ZNF875: variants seen among roughly 807,000 people sequenced by gnomAD.
The protein encoded by ZNF875 is zinc finger protein 875, also known as HKR1, GLI-Kruppel zinc finger family member.
A neutral mutation model predicts 11.2 loss-of-function variants in ZNF875; 14 were observed. The ratio of observed to expected loss-of-function variants is 1.26; its 90% CI spans 0.83 to 1.96. The LOEUF is 1.96. Among genes scored for constraint, ZNF875 ranks in the 30% most tolerant of loss-of-function variants. The probability of loss-of-function intolerance (pLI) is 0.00; values close to 1 mark genes in which losing one functional copy is unlikely to be tolerated. For synonymous variants in ZNF875, 301 were observed against 281.1 expected (o/e 1.07, Z -0.71); for missense variants, 752 against 760.4 (o/e 0.99, Z 0.13).
At chr19:37,341,127 T>A (rs1020935716) in intron 2 of ZNF875, among the ~76,000 whole-genome samples, 1 of 152,228 alleles carries the variant, frequency 6.6e-6, no homozygotes, top group Non-Finnish European at 1.5e-5. Flanking sequence ...TAGGAGTTTC[T>A]GACATCATGG....
chr19:37,325,264 A>T (rs1348088619), intron 4 of ZNF875, among the ~76,000 whole-genome samples: 2 of 152,268 alleles, frequency 1.3e-5, no homozygotes, highest in South Asian at 4.1e-4. Context: ...TCCCGCTGTC[A>T]GCACCCGAAG....
chr19:37,337,920 T>C (rs1364542681), intron 2 of ZNF875, among the ~76,000 whole-genome samples: 2 of 152,260 alleles, frequency 1.3e-5, no homozygotes, highest in Admixed American at 6.5e-5. Context: ...GAAATCTGAG[T>C]GGAATTTAGA....
intron 4 of ZNF875, among the ~76,000 whole-genome samples, chr19:37,361,810 G>A (rs765671825): frequency 1.3e-5 from 2 of 151,942 alleles, no homozygotes; most frequent in African/African-American, 2.4e-5. Flanking sequence ...CCAGCTACTC[G>A]GGAGGCTAAG....
In ZNF875 at chr19:37,347,799, A is replaced by G. The variant is rs372968263; in HGVS notation, c.183A>G (p.Lys61=). 4.3e-6 allele frequency: 7 copies of G among 1,612,914 alleles called. No homozygotes were observed. In the African/African-American group the frequency reaches 5.3e-5, roughly 12 times the overall value. ...VSLEIPSSKP[K]LIAQLERGEA... is the part of the protein sequence containing the mutation. ...CAGAAATTCCATCTTCTAAACCAAAACTCATTGCTCAGCTGGAGCGAGGGG... is the reference window on the plus strand; with the variant it reads ...CAGAAATTCCATCTTCTAAACCAAAGCTCATTGCTCAGCTGGAGCGAGGGG... The change falls in exon 4 of 5, where the codon AAA becomes AAG. Residue 61 remains lysine (K), a synonymous_variant. Transcript: ENST00000392153.
chr19:37,322,586 A>G (rs1445968464), intron 2 of ZNF875, among the ~76,000 whole-genome samples: 1 of 152,210 alleles, frequency 6.6e-6, no homozygotes, highest in African/African-American at 2.4e-5. Context: ...TGAACCCATC[A>G]GTGAACTACT....
intron 4 of ZNF875, chr19:37,359,441 G>C (rs1291517577): frequency 3.9e-5 from 10 of 257,156 alleles, no homozygotes; most frequent in Non-Finnish European, 1.6e-5. Flanking sequence ...GCCTTGCTCT[G>C]TTGCCAGGCT....
At chr19:37,345,913 C>G (rs756492069) in intron 2 of ZNF875, among the ~76,000 whole-genome samples, 3 of 152,140 alleles carry the variant, frequency 2.0e-5, no homozygotes, top group Non-Finnish European at 2.9e-5. Context: ...CTCCAAAGTA[C>G]AGCTTTCTAG....
chr19:37,345,338 T>C (rs781748953), intron 2 of ZNF875, among the ~76,000 whole-genome samples: 3 of 145,686 alleles, frequency 2.1e-5, no homozygotes, highest in Non-Finnish European at 4.4e-5. Context: ...GCTATCGATA[T>C]AACTGAGTGT....
At chr19:37,345,526 A>G (rs2036594705) in intron 2 of ZNF875, among the ~76,000 whole-genome samples, 1 of 152,168 alleles carries the variant, frequency 6.6e-6, no homozygotes, top group Non-Finnish European at 1.5e-5. Context: ...TGCAAAATCA[A>G]AGAGACAAGG....
chr19:37,343,574 A>G (rs2146175842), intron 2 of ZNF875, among the ~76,000 whole-genome samples: 1 of 152,030 alleles, frequency 6.6e-6, no homozygotes, highest in Admixed American at 6.6e-5. Context: ...GGATGCTTCA[A>G]TTCCTGGTTC....
intron 4 of ZNF875, among the ~76,000 whole-genome samples, chr19:37,359,189 G>A (rs1193435631): frequency 2.0e-5 from 3 of 151,476 alleles, no homozygotes; most frequent in Admixed American, 1.3e-4. Context: ...GTGAACCGCC[G>A]CACCTGGCCT....
upstream of ZNF875, chr19:37,317,179 GTTTTTTTTTTT>G (rs774349345): frequency 1.7e-5 from 1 of 59,018 alleles, no homozygotes; most frequent in Admixed American, 3.0e-4. Flanking sequence ...TACTAACCTG[GTTTTTTTTTTT>G]TTTTTTTTTT....
chr19:37,344,704 T>G lies in ZNF875; in HGVS notation c.34-2486T>G, dbSNP rs765333386. 9.3e-6 allele frequency: 15 copies of G among 1,613,846 alleles called. No individual in the cohort carries two copies. The South Asian group carries it at 9.9e-5, about 11-fold the overall frequency. On this transcript the variant is annotated intron_variant, in intron 2 of 4. Coordinates refer to ENST00000392153, the MANE Select transcript of ZNF875 (RefSeq NM_001353803.2). ...TGAATCATGAGGGTCAACCACACAG[T>G]GTCTACAATGCTCCCTACATGCATG... is the stretch of plus-strand genomic sequence containing the variant.
intron 1 of ZNF875, among the ~76,000 whole-genome samples, chr19:37,320,561 A>G (rs991875890): frequency 6.6e-6 from 1 of 152,212 alleles, no homozygotes; most frequent in African/African-American, 2.4e-5. Flanking sequence ...GTGGATTCTC[A>G]TGCTTATAGT....
upstream of ZNF875, among the ~76,000 whole-genome samples, chr19:37,314,168 C>T (rs1411819720): frequency 2.0e-5 from 3 of 152,008 alleles, no homozygotes; most frequent in African/African-American, 7.3e-5. Context: ...GATGGAGTGC[C>T]GTGGTATAAT....
At position 37,335,180 on chromosome 19, in the gene ZNF875, G is replaced by A. The variant is rs1464257456; in HGVS notation, c.-45G>A. 1 of 702,026 alleles carries A rather than the reference G, an allele frequency of 1.4e-6. No individual in the cohort carries two copies. Among genetic ancestry groups the A allele is most frequent in the Non-Finnish European group, 2.6e-6 (1 of 384,498 alleles). The allele number at this position is 702,026 out of a possible 1,614,324, so 43.5% of individuals were successfully genotyped here. A position where few individuals can be genotyped will look rare whatever the true frequency, so the allele number is the denominator to read the frequency against. On this transcript the variant is annotated 5_prime_UTR_variant, in exon 2 of 5. Transcript: ENST00000392153. ...CTTCACATCCCCAGATCTGTCTTCT[G>A]AGACTTTGCCCTTCTCCAGGAAGAG...
chr19:37,337,055 C>T (rs537539834), intron 2 of ZNF875, among the ~76,000 whole-genome samples: 36 of 152,256 alleles, frequency 2.4e-4, no homozygotes, highest in African/African-American at 8.7e-4. Context: ...TCCAAAATTC[C>T]AGATTCCCTG....
intron 1 of ZNF875, among the ~76,000 whole-genome samples, chr19:37,321,195 C>G (rs1599858086): frequency 6.6e-6 from 1 of 152,206 alleles, no homozygotes; most frequent in Admixed American, 6.5e-5. Context: ...TTCCCCCAGC[C>G]CGACACCTGT....
In ZNF875 at chr19:37,334,668, GGCGCGTTAAGCTGGT is replaced by G; in HGVS notation, c.-170_-156del. 1 of 456,056 alleles carries G rather than the reference GGCGCGTTAAGCTGGT, an allele frequency of 2.2e-6. No homozygotes were observed. Among genetic ancestry groups the G allele is most frequent in the East Asian group, 7.0e-5 (1 of 14,376 alleles). The allele number at this position is 456,056 out of a possible 1,614,324, so 28.3% of individuals were successfully genotyped here. ...AGAAACACTTCCGGTCGGTGGCCCA[GGCGCGTTAAGCTGGT>G]TGGGACCCGGGAAGGCCTCCCTCTT... On this transcript the variant is annotated 5_prime_UTR_variant, in exon 1 of 5. Transcript: ENST00000392153.
Sources: gnomAD v4.1 joint callset for allele counts (sites outside exome capture counted in the v4.1 genomes callset) on GRCh38, gnomAD v4.1.1 for gene constraint, MANE v1.5 for transcripts, NCBI Gene and HGNC (gene_info 2026-07-23, HGNC 2026-07-21) for gene names.